The following SLC6A6 variants were observed in gnomAD, a reference collection of about 807,000 sequenced individuals.
SLC6A6 encodes solute carrier family 6 member 6.
SLC6A6 carries 16 observed loss-of-function variants against 68.8 expected under a neutral mutation model. That is an observed-to-expected ratio of 0.23 (90% confidence interval 0.16 to 0.35). The LOEUF is 0.35. Ranked by LOEUF, SLC6A6 falls within the 10% of genes least tolerant of loss-of-function variation. The pLI, the probability that SLC6A6 is intolerant of heterozygous loss-of-function variation, is 1.00. For missense variants in SLC6A6, 474 were observed against 802.8 expected (o/e 0.59, Z 4.95); for synonymous variants, 312 against 315.4 (o/e 0.99, Z 0.12).
Position 14,488,176 on chromosome 3 carries a change from G to A in SLC6A6, c.*3169G>A, listed in dbSNP as rs144538476. ...CCTTAGGCAGGATTTAGATGAAGTC[G>A]CCCTGGCTCCAGACTGACCCCGAGG... On this transcript the variant is annotated 3_prime_UTR_variant, in exon 15 of 15. Coordinates refer to ENST00000622186, the MANE Select transcript of SLC6A6 (RefSeq NM_003043.6). The A allele has an allele frequency of 1.2e-4, 18 of 152,772 alleles. No individual in the cohort carries two copies. Among genetic ancestry groups the A allele is most frequent in the Non-Finnish European group, 1.8e-4 (12 of 68,080 alleles). The allele number at this position is 152,772 out of a possible 1,614,324, so 9.5% of individuals were successfully genotyped here.
Position 14,477,275 on chromosome 3 carries a change from G to A in SLC6A6, c.1280G>A (p.Arg427His), listed in dbSNP as rs763081342. The change falls in exon 11 of 15, where the codon CGT becomes CAT. Residue 427 changes from arginine to histidine, a missense_variant. Physicochemically the swap from Arg to His is conservative, Grantham distance 29. Coordinates refer to ENST00000622186, the MANE Select transcript of SLC6A6 (RefSeq NM_003043.6). The surrounding 1 kb of genome is among the most constrained non-coding windows in gnomAD (Gnocchi z 4.2). ...LYPSFLRKGY[R>H]REIFIAFVCS... Reference sequence around the variant, plus strand: ...CCATCCTTCCTAAGGAAGGGTTATCGTCGGGAAATCTTCATCGCCTTCGTG... The same window carrying A: ...CCATCCTTCCTAAGGAAGGGTTATCATCGGGAAATCTTCATCGCCTTCGTG... 10 of 1,613,838 alleles carry A rather than the reference G, an allele frequency of 6.2e-6. No individual in the cohort carries two copies. Among genetic ancestry groups the A allele is most frequent in the Admixed American group, 1.7e-5 (1 of 60,030 alleles).
rs34547966 is a variant in SLC6A6 at position 14,403,077 on chromosome 3, A to AGTGTGT, written c.-54+272_-54+277dup. 1.2e-3 allele frequency among the ~76,000 whole-genome samples: 165 copies of AGTGTGT among 143,424 alleles called. 1 individual carries two copies. The highest frequency in any genetic ancestry group is 2.4e-3 in the East Asian group (11 of 4,646). The allele number at this position is 143,424 out of a possible 152,430, so 94.1% of individuals were successfully genotyped here. ...CGGCTCTTGGTGCGGGCGGCAGGAG[A>AGTGTGT]GTGTGTGTGTGTGTGTGTGTGTGTG... On this transcript the variant is annotated intron_variant, in intron 1 of 14. Transcript: ENST00000622186.
chr3:14,447,268 A>ACATCCAAC (rs1400702950), intron 4 of SLC6A6, among the ~76,000 whole-genome samples: 1 of 123,682 alleles, frequency 8.1e-6, no homozygotes, highest in Non-Finnish European at 1.8e-5. Flanking sequence ...ATCCATCCAA[A>ACATCCAAC]CATCCAACCA....
rs1481342613 is a variant in SLC6A6 at position 14,485,941 on chromosome 3, C to T, written c.*934C>T. The T allele has an allele frequency of 1.3e-5, 2 of 152,754 alleles. No individual in the cohort carries two copies. Among genetic ancestry groups the T allele is most frequent in the African/African-American group, 2.4e-5 (1 of 41,446 alleles). 9.5% of individuals were successfully genotyped at this position (152,754 alleles called of 1,614,324 possible). On this transcript the variant is annotated 3_prime_UTR_variant, in exon 15 of 15. Transcript: ENST00000622186. ...TGGGGCATTCCAGGCAGAGAAGGAG[C>T]AGAGGCTCTCCCGGCAGGAGCTGGG...
At chr3:14,447,475 C>T (rs1015309928) in intron 4 of SLC6A6, 107 bp from the exon 5 acceptor site, 10 of 1,448,546 alleles carry the variant, frequency 6.9e-6, no homozygotes, top group Non-Finnish European at 8.5e-6. Context: ...TGAAAGGCCT[C>T]TTGTGGCCTG....
chr3:14,440,384 G>T (rs1488709475), intron 2 of SLC6A6, among the ~76,000 whole-genome samples: 1 of 152,052 alleles, frequency 6.6e-6, no homozygotes, highest in African/African-American at 2.4e-5. Context: ...GTTCAGAGGG[G>T]ACTGAGCCTG....
In SLC6A6 at chr3:14,418,950, C is replaced by T. The variant is rs1048052305; in HGVS notation, c.-12+2497C>T. On this transcript the variant is annotated intron_variant, in intron 2 of 14. Transcript: ENST00000622186. ...TGGGCCCAGCCCCTTCCCCTTCCCC[C>T]GGGACTTCCTCCTGGTTAATGAGTA... is the stretch of plus-strand genomic sequence containing the variant. Among the ~76,000 whole-genome samples, 8 of 152,326 alleles carry T rather than the reference C, an allele frequency of 5.3e-5. No homozygotes were observed. The South Asian group carries it at 6.2e-4, about 12-fold the overall frequency.
Position 14,411,849 on chromosome 3 carries a change from C to A in SLC6A6, c.-53-4563C>A, listed in dbSNP as rs564711245. On this transcript the variant is annotated intron_variant, in intron 1 of 14. Coordinates refer to ENST00000622186, the MANE Select transcript of SLC6A6 (RefSeq NM_003043.6). ...CTGGGGATGTGGCTGGTGAACAAGACAGACCAAACTGTACCCTCATGGAGC... is the reference window on the plus strand; with the variant it reads ...CTGGGGATGTGGCTGGTGAACAAGAAAGACCAAACTGTACCCTCATGGAGC... 2.4e-3 allele frequency among the ~76,000 whole-genome samples: 370 copies of A among 152,316 alleles called. 1 individual carries two copies. The highest frequency in any genetic ancestry group is 4.6e-3 in the Admixed American group (71 of 15,300).
At position 14,468,332 on chromosome 3, in the gene SLC6A6, T is replaced by G. The variant is rs1176329670; in HGVS notation, c.1096+120T>G. ...GGGGGGACGAGCCTGGTTTCTAAAATGGACCCCCCCCCCGCCACCAAGATA... is the reference window on the plus strand; with the variant it reads ...GGGGGGACGAGCCTGGTTTCTAAAAGGGACCCCCCCCCCGCCACCAAGATA... On this transcript the variant is annotated intron_variant, in intron 9 of 14. Coordinates refer to ENST00000622186, the MANE Select transcript of SLC6A6 (RefSeq NM_003043.6). This position sits in a 1 kb window ranked among gnomAD's most constrained non-coding sequence, Gnocchi z 4.5. The G allele has an allele frequency of 1.1e-5, 9 of 804,008 alleles. No individual in the cohort carries two copies. Among genetic ancestry groups the G allele is most frequent in the Admixed American group, 3.8e-5 (1 of 26,050 alleles). The allele number at this position is 804,008 out of a possible 1,614,324, so 49.8% of individuals were successfully genotyped here. A position where few individuals can be genotyped will look rare whatever the true frequency, so the allele number is the denominator to read the frequency against.
chr3:14,448,015 C>T (rs1307895504), intron 5 of SLC6A6, 199 bp downstream of exon 5: 5 of 1,368,302 alleles, frequency 3.7e-6, no homozygotes, highest in South Asian at 1.5e-5. Flanking sequence ...GGCTGTTTGA[C>T]CTTAGGCAAG....
rs1368584337 is a variant in SLC6A6, at chr3:14,488,637, T to C, written c.*3630T>C. 6.6e-6 allele frequency: 1 copy of C among 152,154 alleles called. No individual in the cohort carries two copies. 9.4% of individuals were successfully genotyped at this position (152,154 alleles called of 1,614,324 possible). A position where few individuals can be genotyped will look rare whatever the true frequency, so the allele number is the denominator to read the frequency against. ...CCAGGCCAGGCTGCCTGGGACACGG[T>C]AAATACCACTGTGTGCAAAAATCGA... On this transcript the variant is annotated 3_prime_UTR_variant, in exon 15 of 15. Coordinates refer to ENST00000622186, the MANE Select transcript of SLC6A6 (RefSeq NM_003043.6).
chr3:14,443,259 G>A (rs759008600), intron 2 of SLC6A6, among the ~76,000 whole-genome samples: 2 of 152,178 alleles, frequency 1.3e-5, no homozygotes, highest in Non-Finnish European at 1.5e-5. Context: ...GCCTAGAACT[G>A]CCTGGGTGTG....
Position 14,424,627 on chromosome 3 carries a change from G to A in SLC6A6, c.-12+8174G>A, listed in dbSNP as rs140231849. Among the ~76,000 whole-genome samples, 460 of 152,302 alleles carry A rather than the reference G, an allele frequency of 3.0e-3. 3 individuals carry two copies. The highest frequency in any genetic ancestry group is 7.7e-3 in the African/African-American group (320 of 41,566). ...AGAGTGGTTGGTCTTGATTCACTCT[G>A]GGGAACCAGCCAGAAACAGGAATCC... On this transcript the variant is annotated intron_variant, in intron 2 of 14. Transcript: ENST00000622186.
chr3:14,459,835 C>T (rs1408895597), intron 6 of SLC6A6, among the ~76,000 whole-genome samples: 2 of 151,914 alleles, frequency 1.3e-5, no homozygotes, highest in East Asian at 3.9e-4. Context: ...GTGTTAAACA[C>T]CTGGCACAAT....
rs1339023592 is a variant in SLC6A6, at chr3:14,472,182, TC to T, written c.1097-19del. The T allele has an allele frequency of 1.4e-6, 2 of 1,470,386 alleles. No homozygotes were observed. The highest frequency in any genetic ancestry group is 3.4e-5 in the Admixed American group (2 of 59,692). The allele number at this position is 1,470,386 out of a possible 1,614,324, so 91.1% of individuals were successfully genotyped here. A position where few individuals can be genotyped will look rare whatever the true frequency, so the allele number is the denominator to read the frequency against. ...GCTGATGTCTCCTCCCCTGTGCCCC[TC>T]CCCGTTTTCTTTCCTTTCTAGGTCC... On this transcript the variant is annotated intron_variant, in intron 9 of 14. Coordinates refer to ENST00000622186, the MANE Select transcript of SLC6A6 (RefSeq NM_003043.6). The surrounding 1 kb of genome is among the most constrained non-coding windows in gnomAD (Gnocchi z 4.5).
chr3:14,407,976 T>A (rs1699148395), intron 1 of SLC6A6, among the ~76,000 whole-genome samples: 1 of 151,980 alleles, frequency 6.6e-6, no homozygotes, highest in South Asian at 2.1e-4. Context: ...CGCTGAGTAG[T>A]CTCCCATTGT....
At position 14,475,340 on chromosome 3, in the gene SLC6A6, G is replaced by T. The variant is rs550791204; in HGVS notation, c.1210-1865G>T. On this transcript the variant is annotated intron_variant, in intron 10 of 14. Transcript: ENST00000622186. ...AACCACTGCACCCAGCTGGGACATG[G>T]TTTTTTTTAACAAATTGTGAGAGGA... Among the ~76,000 whole-genome samples, 9 of 152,054 alleles carry T rather than the reference G, an allele frequency of 5.9e-5. No individual in the cohort carries two copies. In the East Asian group the frequency reaches 1.5e-3, roughly 26 times the overall value.
Position 14,440,818 on chromosome 3 carries a change from C to T in SLC6A6, c.-11-2806C>T, listed in dbSNP as rs182013105. On this transcript the variant is annotated intron_variant, in intron 2 of 14. Transcript: ENST00000622186. ...CTGTGTGTTCTTCAAGGCAGGTGGA[C>T]CTGTGACTGCAGCCCCCACAGGTGG... is the stretch of plus-strand genomic sequence containing the variant. Among the ~76,000 whole-genome samples, 96 of 152,126 alleles carry T rather than the reference C, an allele frequency of 6.3e-4. 1 individual carries two copies. In the South Asian group the frequency reaches 7.1e-3, roughly 11 times the overall value.
chr3:14,470,669 C>G (rs921084040), intron 9 of SLC6A6, among the ~76,000 whole-genome samples: 1 of 152,148 alleles, frequency 6.6e-6, no homozygotes, highest in South Asian at 2.1e-4. Flanking sequence ...TCAGTGTGGA[C>G]CAGTCAGGGC....
Sources: gnomAD v4.1 joint callset for allele counts (sites outside exome capture counted in the v4.1 genomes callset) on GRCh38, gnomAD v4.1.1 for gene constraint, Gnocchi (gnomAD v3.1) non-coding constraint, MANE v1.5 for transcripts, NCBI Gene and HGNC (gene_info 2026-07-23, HGNC 2026-07-21) for gene names.